CHCHD6: variants seen among roughly 807,000 people sequenced by gnomAD.
CHCHD6 encodes the protein MICOS complex subunit MIC25.
A neutral mutation model predicts 32.3 loss-of-function variants in CHCHD6; 28 were observed. The ratio of observed to expected loss-of-function variants is 0.87; its 90% CI spans 0.64 to 1.19. CHCHD6 has a LOEUF of 1.19. Ranked by LOEUF, CHCHD6 falls within the 50% of genes most tolerant of loss-of-function variation. The pLI is 0.00. For synonymous variants in CHCHD6, 122 were observed against 117.5 expected (o/e 1.04, Z -0.25); for missense variants, 333 against 307.0 (o/e 1.08, Z -0.63).
At chr3:126,852,301 A>T (rs1189566241) in intron 4 of CHCHD6, among the ~76,000 whole-genome samples, 1 of 152,170 alleles carries the variant, frequency 6.6e-6, no homozygotes, top group East Asian at 1.9e-4. Context: ...CCCTGTTGTC[A>T]TCTGGCTTCT....
intron 4 of CHCHD6, among the ~76,000 whole-genome samples, chr3:126,842,196 T>C (rs1187338978): frequency 1.3e-5 from 2 of 152,212 alleles, no homozygotes; most frequent in Non-Finnish European, 2.9e-5. Flanking sequence ...CAAGGTCACG[T>C]CACGGGACAT....
intron 5 of CHCHD6, among the ~76,000 whole-genome samples, chr3:126,857,978 T>A (rs1941718397): frequency 6.7e-6 from 1 of 149,464 alleles, no homozygotes; most frequent in Non-Finnish European, 1.5e-5. Context: ...TGCCCCCAGG[T>A]TCACCAGAAG....
chr3:126,840,565 TTAGCCCA>T (rs1322705547), intron 4 of CHCHD6, among the ~76,000 whole-genome samples: 1 of 152,180 alleles, frequency 6.6e-6, no homozygotes, highest in Non-Finnish European at 1.5e-5. Context: ...AGTGTGGAGA[TTAGCCCA>T]TATCATCTCA....
chr3:126,924,082 G>A (rs914780553), intron 6 of CHCHD6, among the ~76,000 whole-genome samples: 11 of 152,182 alleles, frequency 7.2e-5, no homozygotes, highest in African/African-American at 1.7e-4. Context: ...CAGGCAATGC[G>A]TAACACAATT....
At chr3:126,738,087 C>T (rs544894712) in intron 4 of CHCHD6, among the ~76,000 whole-genome samples, 1 of 152,322 alleles carries the variant, frequency 6.6e-6, no homozygotes, top group Non-Finnish European at 1.5e-5. Flanking sequence ...AGTAGAGTAG[C>T]TGTCCTGTCC....
intron 1 of CHCHD6, among the ~76,000 whole-genome samples, chr3:126,712,029 A>T (rs1934771295): frequency 6.6e-6 from 1 of 152,228 alleles, no homozygotes; most frequent in Admixed American, 6.5e-5. Flanking sequence ...AGGGAAGCAC[A>T]GTACTTTAGG....
At position 126,882,305 on chromosome 3, in the gene CHCHD6, T is replaced by C. The variant is rs139187414; in HGVS notation, c.495+29575T>C. 6.1e-3 allele frequency among the ~76,000 whole-genome samples: 932 copies of C among 152,314 alleles called. 9 individuals carry two copies. The highest frequency in any genetic ancestry group is 0.021 in the African/African-American group (891 of 41,574). ...ATCGTCTCTAACCTCTCTGAGCCTC[T>C]GTTCACGCATGGAGATGCCTACCTT... On this transcript the variant is annotated intron_variant, in intron 5 of 7. Coordinates refer to ENST00000290913, the MANE Select transcript of CHCHD6 (RefSeq NM_032343.3).
At chr3:126,919,929 T>C (rs1235651928) in intron 6 of CHCHD6, among the ~76,000 whole-genome samples, 1 of 152,044 alleles carries the variant, frequency 6.6e-6, no homozygotes, top group Non-Finnish European at 1.5e-5. Flanking sequence ...GACATGTTTT[T>C]CTCAGTTTTG....
intron 1 of CHCHD6, among the ~76,000 whole-genome samples, chr3:126,716,424 G>T (rs1935019204): frequency 6.6e-6 from 1 of 152,034 alleles, no homozygotes; most frequent in Non-Finnish European, 1.5e-5. Context: ...TGAACCTCCT[G>T]GGCCCTTAGG....
At chr3:126,744,594 G>A (rs1025599972) in intron 4 of CHCHD6, among the ~76,000 whole-genome samples, 2 of 152,202 alleles carry the variant, frequency 1.3e-5, no homozygotes, top group African/African-American at 2.4e-5. Context: ...GGCTTAAAGT[G>A]GAAGTGTATT....
intron 4 of CHCHD6, among the ~76,000 whole-genome samples, chr3:126,813,011 T>G (rs1460407930): frequency 6.6e-6 from 1 of 152,172 alleles, no homozygotes; most frequent in Non-Finnish European, 1.5e-5. Context: ...AAATGAAAGT[T>G]TATGAGTATT....
chr3:126,767,361 C>T, intron 4 of CHCHD6: 1 of 809,726 alleles, frequency 1.2e-6, no homozygotes, highest in Non-Finnish European at 2.2e-6. Context: ...CCACATGCTG[C>T]AGACATGATC....
intron 4 of CHCHD6, among the ~76,000 whole-genome samples, chr3:126,822,426 A>G (rs1439878205): frequency 6.6e-6 from 1 of 152,190 alleles, no homozygotes; most frequent in Non-Finnish European, 1.5e-5. Context: ...CAGTCCATGT[A>G]TCTCTATGTC....
chr3:126,712,141 C>T (rs191622973), intron 1 of CHCHD6, among the ~76,000 whole-genome samples: 12 of 152,284 alleles, frequency 7.9e-5, no homozygotes, highest in South Asian at 2.1e-4. Context: ...CCCGCTGGTG[C>T]GTTCCATTTT....
At chr3:126,854,983 TCAAGGA>T (rs1437979500) in intron 5 of CHCHD6, 1 of 152,252 alleles carries the variant, frequency 6.6e-6, no homozygotes, top group African/African-American at 2.4e-5. Context: ...AGACTCATTT[TCAAGGA>T]GGAAGAGACT....
chr3:126,900,539 G>A (rs1224806761), intron 5 of CHCHD6, among the ~76,000 whole-genome samples: 1 of 151,954 alleles, frequency 6.6e-6, no homozygotes, highest in African/African-American at 2.4e-5. Context: ...GGCGAATGGG[G>A]AGCAGGTGTC....
chr3:126,834,950 G>A lies in CHCHD6; in HGVS notation c.412-17697G>A, dbSNP rs144957778. Among the ~76,000 whole-genome samples the A allele has an allele frequency of 5.5e-3, 842 of 152,286 alleles. 5 individuals carry two copies. Among genetic ancestry groups the A allele is most frequent in the African/African-American group, 0.019 (804 of 41,560 alleles). On this transcript the variant is annotated intron_variant, in intron 4 of 7. Coordinates refer to ENST00000290913, the MANE Select transcript of CHCHD6 (RefSeq NM_032343.3). ...GCACAGGCCCTGGAAGCCCTGGTGT[G>A]TCTGGAGGAATAAGAGCTCCGCTGT...
chr3:126,704,509 C>G lies in CHCHD6; in HGVS notation c.87+110C>G, dbSNP rs1360843119. Reference sequence around the variant, plus strand: ...CTTTCCACGCGTGAGGGGCGTGGGGCTTGGGAGACTCCGGGGGCTCAGGCC... The same window carrying G: ...CTTTCCACGCGTGAGGGGCGTGGGGGTTGGGAGACTCCGGGGGCTCAGGCC... On this transcript the variant is annotated intron_variant, in intron 1 of 7. Coordinates refer to ENST00000290913, the MANE Select transcript of CHCHD6 (RefSeq NM_032343.3). 6.3e-6 allele frequency: 4 copies of G among 630,486 alleles called. No individual in the cohort carries two copies. In the African/African-American group the frequency reaches 7.9e-5, roughly 12 times the overall value. The allele number at this position is 630,486 out of a possible 1,614,324, so 39.1% of individuals were successfully genotyped here.
At chr3:126,833,927 G>C (rs974605542) in intron 4 of CHCHD6, among the ~76,000 whole-genome samples, 1 of 150,136 alleles carries the variant, frequency 6.7e-6, no homozygotes, top group South Asian at 2.1e-4. Context: ...AGTGGCGGGC[G>C]CCTGTAGTCC....
Sources: allele counts gnomAD v4.1 joint callset (sites outside exome capture counted in the v4.1 genomes callset), GRCh38; gene constraint gnomAD v4.1.1; transcripts MANE v1.5; gene names NCBI Gene and HGNC (gene_info 2026-07-23, HGNC 2026-07-21).